RNF103: variants seen among roughly 807,000 people sequenced by gnomAD.
RNF103 encodes the protein E3 ubiquitin-protein ligase RNF103.
A neutral mutation model predicts 66.2 loss-of-function variants in RNF103; 23 were observed. The observed-to-expected ratio is 0.35, with a 90% confidence interval of 0.25 to 0.49. RNF103 has a LOEUF of 0.49. RNF103 is among the 20% of genes least tolerant of loss of function. The probability of loss-of-function intolerance (pLI) is 0.98; values close to 1 mark genes in which losing one functional copy is unlikely to be tolerated. For synonymous variants in RNF103, 297 were observed against 289.9 expected, an observed-to-expected ratio of 1.02 and a Z score of -0.25; for missense variants, 730 against 814.7, an observed-to-expected ratio of 0.90 and a Z score of 1.27.
intron 3 of RNF103, among the ~76,000 whole-genome samples, chr2:86,610,878 A>C (rs1678762516): frequency 6.6e-6 from 1 of 152,170 alleles, no homozygotes; most frequent in Non-Finnish European, 1.5e-5. Flanking sequence ...TGACGAATGG[A>C]GATCAGAATG....
chr2:86,612,365 A>C (rs567951165), intron 2 of RNF103, 91 bp from the exon 3 acceptor site: 1 of 709,526 alleles, frequency 1.4e-6, no homozygotes, highest in African/African-American at 1.8e-5. Context: ...TCACTTAAAA[A>C]AAAAGATATT....
intron 2 of RNF103, 87 bp downstream of exon 2, chr2:86,620,243 G>C (rs746859206): frequency 1.0e-5 from 14 of 1,388,608 alleles, no homozygotes; most frequent in Non-Finnish European, 1.3e-5. Context: ...CAAGGACACG[G>C]AAGTGTCACT....
intron 3 of RNF103, among the ~76,000 whole-genome samples, chr2:86,606,289 T>C (rs914301544): frequency 6.6e-6 from 1 of 152,176 alleles, no homozygotes; most frequent in Non-Finnish European, 1.5e-5. Flanking sequence ...TGGAAACCTG[T>C]CTATTGACAG....
chr2:86,604,522 T>A lies in RNF103; in HGVS notation c.1379A>T (p.Asp460Val). 1 of 1,614,230 alleles carries A rather than the reference T, an allele frequency of 6.2e-7. No individual in the cohort carries two copies. Among genetic ancestry groups the A allele is most frequent in the Non-Finnish European group, 8.5e-7 (1 of 1,180,046 alleles). ...GTGGAAGAGGTAGCTGGTGTACCAG[T>A]CCCACAGACTTGATAACCATTCTAA... ...NNLEWLSSLW[D>V]WYTSYLFHPI... Residue 460 changes from aspartate (D) to valine (V), a missense_variant, in exon 4 of 4, where the codon GAC (aspartate) becomes GTC (valine). Asp to Val is a radical substitution (Grantham distance 152). This residue lies in a region of RNF103 where 355 missense variants were observed against 351.9 expected (regional missense o/e 1.01). Coordinates refer to ENST00000237455, the MANE Select transcript of RNF103 (RefSeq NM_005667.4).
At chr2:86,605,536 G>C (rs1678514339) in intron 3 of RNF103, 118 bp from the exon 4 acceptor site, 1 of 1,020,998 alleles carries the variant, frequency 9.8e-7, no homozygotes, top group Non-Finnish European at 1.4e-6. Flanking sequence ...TAATCAAAAA[G>C]TGGTACCACT....
chr2:86,623,581 G>A lies in RNF103; in HGVS notation c.-695C>T, dbSNP rs1679325829. Reference sequence around the variant, plus strand: ...CAGGTTCGCTCGGGCCGGCTGGCGGGCGGCGCCTCTCAGGCGGGCGGGCAC... The same window carrying A: ...CAGGTTCGCTCGGGCCGGCTGGCGGACGGCGCCTCTCAGGCGGGCGGGCAC... On this transcript the variant is annotated 5_prime_UTR_variant, in exon 1 of 4. Coordinates refer to ENST00000237455, the MANE Select transcript of RNF103 (RefSeq NM_005667.4). The A allele has an allele frequency of 1.0e-6, 1 of 999,846 alleles. No individual in the cohort carries two copies. The highest frequency in any genetic ancestry group is 1.2e-6 in the Non-Finnish European group (1 of 838,318). 61.9% of individuals were successfully genotyped at this position (999,846 alleles called of 1,614,324 possible). A position where few individuals can be genotyped will look rare whatever the true frequency, so the allele number is the denominator to read the frequency against.
chr2:86,604,973 G>T lies in RNF103; in HGVS notation c.928C>A (p.Gln310Lys). Residue 310 changes from glutamine to lysine, a missense_variant, in exon 4 of 4, where the codon CAG (glutamine) becomes AAG (lysine). Transcript: ENST00000237455. ...GNHTGEFISL[Q>K]AMDSFLRSLQ... ...GAGCGCAAAAATGAATCCATGGCCTGAAGGGATATAAATTCGCCTGTGTGG... is the reference window on the plus strand; with the variant it reads ...GAGCGCAAAAATGAATCCATGGCCTTAAGGGATATAAATTCGCCTGTGTGG... 1 of 1,614,134 alleles carries T rather than the reference G, an allele frequency of 6.2e-7. No individual in the cohort carries two copies. The highest frequency in any genetic ancestry group is 8.5e-7 in the Non-Finnish European group (1 of 1,180,024).
At chr2:86,614,628 T>C in intron 2 of RNF103, 1 of 416,098 alleles carries the variant, frequency 2.4e-6, no homozygotes, top group South Asian at 9.8e-5. Context: ...AAAAAAGTTG[T>C]ACCTAGAAAA....
intron 3 of RNF103, 72 bp from the exon 4 acceptor site, chr2:86,605,490 T>G: frequency 1.4e-6 from 2 of 1,475,320 alleles, no homozygotes; most frequent in South Asian, 2.8e-5. Flanking sequence ...GACAAATTTC[T>G]TTAGCACCTC....
Position 86,603,807 on chromosome 2 carries a change from G to T in RNF103, c.*36C>A. ...CTAACATTAAAAAGGCAAGCTGTAA[G>T]ATACTCAAAGCTTATAAAGGACAAA... On this transcript the variant is annotated 3_prime_UTR_variant, in exon 4 of 4. Coordinates refer to ENST00000237455, the MANE Select transcript of RNF103 (RefSeq NM_005667.4). 1 of 1,562,228 alleles carries T rather than the reference G, an allele frequency of 6.4e-7. No homozygotes were observed. The highest frequency in any genetic ancestry group is 8.6e-7 in the Non-Finnish European group (1 of 1,158,106).
At chr2:86,612,512 G>A (rs1678839429) in intron 2 of RNF103, 2 of 335,284 alleles carry the variant, frequency 6.0e-6, no homozygotes, top group South Asian at 1.2e-4. Flanking sequence ...CAGTTACAAA[G>A]AGAGGGAGGG....
intron 2 of RNF103, 24 bp downstream of exon 2, chr2:86,620,306 T>C: frequency 1.3e-6 from 2 of 1,569,422 alleles, no homozygotes; most frequent in Non-Finnish European, 1.7e-6. Context: ...TCTCGAATTA[T>C]CAAATTATTA....
chr2:86,617,828 G>T (rs2104254888), intron 2 of RNF103: 2 of 1,068,560 alleles, frequency 1.9e-6, no homozygotes, highest in South Asian at 5.2e-5. Context: ...TTAAACCAAG[G>T]TGGCTGTGCT....
At chr2:86,609,838 T>C (rs1420422121) in intron 3 of RNF103, among the ~76,000 whole-genome samples, 1 of 152,102 alleles carries the variant, frequency 6.6e-6, no homozygotes, top group African/African-American at 2.4e-5. Flanking sequence ...GCATAGACAG[T>C]GGGGCACAGA....
At chr2:86,620,109 A>G (rs1679169811) in intron 2 of RNF103, among the ~76,000 whole-genome samples, 1 of 152,100 alleles carries the variant, frequency 6.6e-6, no homozygotes, top group African/African-American at 2.4e-5. Flanking sequence ...CAAAAAGTTG[A>G]CCCCCATCCC....
Position 86,603,610 on chromosome 2 carries a change from A to C in RNF103, c.*233T>G. The C allele has an allele frequency of 1.9e-6, 1 of 526,738 alleles. No homozygotes were observed. The highest frequency in any genetic ancestry group is 3.3e-5 in the East Asian group (1 of 30,714). The allele number at this position is 526,738 out of a possible 1,614,324, so 32.6% of individuals were successfully genotyped here. A position where few individuals can be genotyped will look rare whatever the true frequency, so the allele number is the denominator to read the frequency against. Reference sequence around the variant, plus strand: ...ATACTTCTTTTGTGCTTACAAAAAAACATTAACTTCTGAATTTCCAATGTT... The same window carrying C: ...ATACTTCTTTTGTGCTTACAAAAAACCATTAACTTCTGAATTTCCAATGTT... On this transcript the variant is annotated 3_prime_UTR_variant, in exon 4 of 4. Coordinates refer to ENST00000237455, the MANE Select transcript of RNF103 (RefSeq NM_005667.4).
Position 86,603,935 on chromosome 2 carries a change from G to C in RNF103, c.1966C>G (p.Arg656Gly). Residue 656 changes from arginine (R) to glycine (G), a missense_variant, in exon 4 of 4, where the codon CGA becomes GGA. Around this residue, in one of 3 missense-constraint regions of RNF103, gnomAD observed 355 missense variants for 351.9 expected, o/e 1.01. Transcript: ENST00000237455. ...CACCGGCAAACAGGGCAACAATGTC[G>C]GCCCCCAGCCAACCACATCACAATG... ...NCIVMWLAGG[R>G]HCCPVCRWPS... 6.2e-7 allele frequency: 1 copy of C among 1,613,862 alleles called. No individual in the cohort carries two copies. Among genetic ancestry groups the C allele is most frequent in the East Asian group, 2.2e-5 (1 of 44,876 alleles).
At chr2:86,616,523 C>T (rs1037694184) in intron 2 of RNF103, 1 of 984,534 alleles carries the variant, frequency 1.0e-6, no homozygotes, top group Admixed American at 6.1e-5. Context: ...ATGTGCTTCA[C>T]CTCCATAGCA....
Position 86,623,415 on chromosome 2 carries a change from G to T in RNF103, c.-529C>A. 3.1e-6 allele frequency: 3 copies of T among 981,048 alleles called. No individual in the cohort carries two copies. Among genetic ancestry groups the T allele is most frequent in the Non-Finnish European group, 3.6e-6 (3 of 827,776 alleles). 60.8% of individuals were successfully genotyped at this position (981,048 alleles called of 1,614,324 possible). On this transcript the variant is annotated 5_prime_UTR_variant, in exon 1 of 4. Transcript: ENST00000237455. ...CGGCCGCGGGTCAGGAGGGCGCGGC[G>T]CTCGGCCGGGCCAGGCCCGGGGCCC... is the stretch of plus-strand genomic sequence containing the variant.
Sources: gnomAD v4.1 joint callset for allele counts (sites outside exome capture counted in the v4.1 genomes callset) on GRCh38, gnomAD v4.1.1 for gene constraint, gnomAD v4.1.1 regional missense constraint, MANE v1.5 for transcripts, NCBI Gene and HGNC (gene_info 2026-07-23, HGNC 2026-07-21) for gene names.